Variants in ALG9 observed in about 807,000 individuals in gnomAD.
The protein encoded by ALG9 is ALG9 alpha-1,2-mannosyltransferase, also known as alpha-1,2-mannosyltransferase ALG9.
Under a neutral mutation model 81.8 loss-of-function variants are expected in ALG9, and 55 were observed. The observed-to-expected ratio is 0.67, with a 90% CI of 0.54 to 0.84. ALG9 has a LOEUF of 0.84. ALG9 is among the 40% of genes least tolerant of loss of function. The pLI, the probability that ALG9 is intolerant of heterozygous loss-of-function variation, is 0.00. For missense variants in ALG9, 629 were observed against 745.0 expected (o/e 0.84, Z 1.81); for synonymous variants, 278 against 274.3 (o/e 1.01, Z -0.13).
intron 13 of ALG9, among the ~76,000 whole-genome samples, chr11:111,822,668 A>T (rs1555105132): frequency 1.3e-5 from 2 of 151,774 alleles, no homozygotes; most frequent in Admixed American, 6.6e-5. Context: ...AGCCATGATC[A>T]TGCCACTGCA....
At chr11:111,793,777 A>C (rs1947829722) in intron 14 of ALG9, among the ~76,000 whole-genome samples, 1 of 151,982 alleles carries the variant, frequency 6.6e-6, no homozygotes, top group Non-Finnish European at 1.5e-5. Context: ...AAAAAAAAAA[A>C]AGGAAAGAGC....
chr11:111,792,409 A>G (rs1947579868), intron 14 of ALG9, among the ~76,000 whole-genome samples: 1 of 152,178 alleles, frequency 6.6e-6, no homozygotes, highest in African/African-American at 2.4e-5. Flanking sequence ...CACATATGAG[A>G]TATGAGTTTA....
intron 13 of ALG9, among the ~76,000 whole-genome samples, chr11:111,835,033 C>T (rs1261328774): frequency 6.6e-6 from 1 of 152,194 alleles, no homozygotes; most frequent in East Asian, 1.9e-4. Context: ...CTGAGGGTCT[C>T]CATGGAACTC....
In ALG9 at chr11:111,837,486, C is replaced by T. The variant is rs1555118593; in HGVS notation, c.1454G>A (p.Ser485Asn). 2 of 1,614,060 alleles carry T rather than the reference C, an allele frequency of 1.2e-6. No homozygotes were observed. Among genetic ancestry groups the T allele is most frequent in the African/African-American group, 1.3e-5 (1 of 74,940 alleles). ...VGKEWYRFPS[S>N]FLLPDNWQLQ... Reference sequence around the variant, plus strand: ...AACTTACTTGTCAGGAAGAAGGAAGCTGCTGGGAAATCGATACCACTCTTT... The same window carrying T: ...AACTTACTTGTCAGGAAGAAGGAAGTTGCTGGGAAATCGATACCACTCTTT... The change falls in exon 12 of 15, where the codon AGC (serine) becomes AAC (asparagine). Residue 485 changes from serine to asparagine, a missense_variant. Coordinates refer to ENST00000616540, the MANE Select transcript of ALG9 (RefSeq NM_024740.2).
In ALG9 at chr11:111,848,010, T is replaced by C. The variant is rs576780316; in HGVS notation, c.896-3287A>G. 4.1e-4 allele frequency among the ~76,000 whole-genome samples: 63 copies of C among 152,110 alleles called. 1 individual carries two copies. Among genetic ancestry groups the C allele is most frequent in the Non-Finnish European group, 8.2e-4 (56 of 68,026 alleles). ...AAGTCTCAGTAGCCAAACTCCAGGG[T>C]TTTGCTAAGGGTCTTGTTTTCAGTG... On this transcript the variant is annotated intron_variant, in intron 8 of 14. Coordinates refer to ENST00000616540, the MANE Select transcript of ALG9 (RefSeq NM_024740.2).
At chr11:111,836,824 T>C (rs1427689893) in intron 12 of ALG9, 2 of 172,334 alleles carry the variant, frequency 1.2e-5, no homozygotes, top group African/African-American at 4.8e-5. Context: ...AGGGTCTTTA[T>C]GAAGCATAAG....
intron 4 of ALG9, among the ~76,000 whole-genome samples, 197 bp from the exon 5 acceptor site, chr11:111,860,832 AC>A (rs1412126320): frequency 1.3e-5 from 2 of 152,208 alleles, no homozygotes; most frequent in African/African-American, 2.4e-5. Context: ...GAAGCTCCCT[AC>A]CTAAAAGAAA....
At position 111,834,771 on chromosome 11, in the gene ALG9, G is replaced by A. The variant is rs113355122; in HGVS notation, c.1602+1394C>T. Reference sequence around the variant, plus strand: ...ACCCTTTGACTGTCCAGCTTCTCTAGAATGATGCCCTGCACTCAGGAGACT... The same window carrying A: ...ACCCTTTGACTGTCCAGCTTCTCTAAAATGATGCCCTGCACTCAGGAGACT... On this transcript the variant is annotated intron_variant, in intron 13 of 14. Coordinates refer to ENST00000616540, the MANE Select transcript of ALG9 (RefSeq NM_024740.2). Among the ~76,000 whole-genome samples the A allele has an allele frequency of 6.9e-3, 1,049 of 152,218 alleles. 11 individuals are homozygous for A. Among genetic ancestry groups the A allele is most frequent in the African/African-American group, 0.023 (973 of 41,508 alleles).
At chr11:111,777,525 G>GCA (rs1458872834), downstream of ALG9, among the ~76,000 whole-genome samples, 29 of 152,290 alleles carry the variant, frequency 1.9e-4, no homozygotes, top group African/African-American at 6.5e-4. Flanking sequence ...GTTGCCTTAA[G>GCA]CTGTCAGAGA....
chr11:111,855,334 C>G (rs1413849373), intron 6 of ALG9, among the ~76,000 whole-genome samples: 2 of 152,098 alleles, frequency 1.3e-5, no homozygotes, highest in African/African-American at 2.4e-5. Flanking sequence ...GAGAAGCTGC[C>G]ATAGAGTTTA....
At chr11:111,847,345 A>C (rs1246644856) in intron 8 of ALG9, among the ~76,000 whole-genome samples, 1 of 152,238 alleles carries the variant, frequency 6.6e-6, no homozygotes, top group African/African-American at 2.4e-5. Context: ...GTATCGTCTG[A>C]AACTTTCCAT....
chr11:111,845,858 A>G (rs1956868721), intron 8 of ALG9, among the ~76,000 whole-genome samples: 1 of 152,206 alleles, frequency 6.6e-6, no homozygotes, highest in Non-Finnish European at 1.5e-5. Flanking sequence ...AACCAAACCC[A>G]TAATGCTAGA....
At chr11:111,830,778 G>A (rs1954216917) in intron 13 of ALG9, among the ~76,000 whole-genome samples, 1 of 152,128 alleles carries the variant, frequency 6.6e-6, no homozygotes, top group South Asian at 2.1e-4. Context: ...AAGCATGTCG[G>A]GGGAAATCCT....
In ALG9 at chr11:111,817,265, T is replaced by A. The variant is rs938265502; in HGVS notation, c.1603-7492A>T. On this transcript the variant is annotated intron_variant, in intron 13 of 14. Transcript: ENST00000616540. Reference sequence around the variant, plus strand: ...AAAGAGAGGCCTATACTAGCTATGCTGCGGAGGATGAGGCAAGAAAGTGTT... The same window carrying A: ...AAAGAGAGGCCTATACTAGCTATGCAGCGGAGGATGAGGCAAGAAAGTGTT... 2.0e-5 allele frequency: 3 copies of A among 152,252 alleles called. No individual in the cohort carries two copies. In the South Asian group the frequency reaches 6.2e-4, roughly 32 times the overall value. 9.4% of individuals were successfully genotyped at this position (152,252 alleles called of 1,614,324 possible).
chr11:111,816,999 T>C (rs1951583166), intron 13 of ALG9, among the ~76,000 whole-genome samples: 1 of 152,004 alleles, frequency 6.6e-6, no homozygotes. Context: ...CTTCCTAAAG[T>C]TGGTAATAAA....
intron 13 of ALG9, among the ~76,000 whole-genome samples, chr11:111,835,631 C>G (rs566070562): frequency 6.6e-6 from 1 of 152,238 alleles, no homozygotes; most frequent in African/African-American, 2.4e-5. Flanking sequence ...TTTCAGCCTA[C>G]CCAAAACCTT....
chr11:111,864,673 A>T lies in ALG9; in HGVS notation c.476+508T>A, dbSNP rs188966800. On this transcript the variant is annotated intron_variant, in intron 4 of 14. Coordinates refer to ENST00000616540, the MANE Select transcript of ALG9 (RefSeq NM_024740.2). ...TAACTGTTTTATCCACACTGGCAGCAGCATACAATAAAACTCAGTATGAAA... is the reference window on the plus strand; with the variant it reads ...TAACTGTTTTATCCACACTGGCAGCTGCATACAATAAAACTCAGTATGAAA... 3.4e-3 allele frequency among the ~76,000 whole-genome samples: 512 copies of T among 152,338 alleles called. 5 individuals are homozygous for T. Among genetic ancestry groups the T allele is most frequent in the African/African-American group, 0.011 (465 of 41,582 alleles).
At chr11:111,808,182 GACTT>G (rs1950206992) in intron 14 of ALG9, among the ~76,000 whole-genome samples, 1 of 152,194 alleles carries the variant, frequency 6.6e-6, no homozygotes, top group African/African-American at 2.4e-5. Context: ...GCTACAAAAA[GACTT>G]ACAAGATGAG....
In ALG9 at chr11:111,853,374, C is replaced by G. The variant is rs376138269; in HGVS notation, c.895+6G>C. 5 of 1,610,456 alleles carry G rather than the reference C, an allele frequency of 3.1e-6. No homozygotes were observed. The highest frequency in any genetic ancestry group is 1.7e-5 in the Admixed American group (1 of 59,960). ...TAACACTTGCCCAAATTTCACAAAG[C>G]CTTACCATAAAGATCAGGTCCATGA... On this transcript the variant is annotated splice_donor_region_variant and intron_variant, in intron 8 of 14. Transcript: ENST00000616540.
Sources: gnomAD v4.1 joint callset for allele counts (sites outside exome capture counted in the v4.1 genomes callset) on GRCh38, gnomAD v4.1.1 for gene constraint, MANE v1.5 for transcripts, NCBI Gene and HGNC (gene_info 2026-07-23, HGNC 2026-07-21) for gene names.